Variants in DHX36 observed in about 807,000 individuals in gnomAD.
DHX36 encodes the protein DEAH-box helicase 36.
Under a neutral mutation model 139.0 loss-of-function variants are expected in DHX36, and 50 were observed. The observed-to-expected ratio is 0.36, with a 90% CI of 0.29 to 0.46. DHX36 has a LOEUF of 0.46. Ranked by LOEUF, DHX36 falls within the 20% of genes least tolerant of loss-of-function variation. The probability of loss-of-function intolerance (pLI) is 1.00; values close to 1 mark genes in which losing one functional copy is unlikely to be tolerated. For synonymous variants in DHX36, 425 were observed against 401.9 expected, an observed-to-expected ratio of 1.06 and a Z score of -0.69; for missense variants, 1,024 against 1,211.3, an observed-to-expected ratio of 0.85 and a Z score of 2.29.
chr3:154,296,387 T>C (rs1271214076), intron 12 of DHX36, among the ~76,000 whole-genome samples: 12 of 152,080 alleles, frequency 7.9e-5, no homozygotes, highest in Admixed American at 7.9e-4. Flanking sequence ...GGCAGGAGAA[T>C]GGCGTGAACC....
intron 17 of DHX36, among the ~76,000 whole-genome samples, chr3:154,287,394 C>T (rs1271758542): frequency 1.3e-5 from 2 of 152,078 alleles, no homozygotes; most frequent in Non-Finnish European, 2.9e-5. Flanking sequence ...GTGGCTCATG[C>T]CTATGATCCC....
chr3:154,293,227 C>A (rs572006441), intron 14 of DHX36, among the ~76,000 whole-genome samples: 1 of 152,230 alleles, frequency 6.6e-6, no homozygotes, highest in East Asian at 1.9e-4. Flanking sequence ...ACAAAACAAA[C>A]AAAAACCAAC....
At chr3:154,320,896 AG>A (rs1487457077) in intron 1 of DHX36, among the ~76,000 whole-genome samples, 1 of 152,196 alleles carries the variant, frequency 6.6e-6, no homozygotes, top group Non-Finnish European at 1.5e-5. Flanking sequence ...CTGCTACCAG[AG>A]TGAATTTAAA....
At position 154,277,642 on chromosome 3, in the gene DHX36, G is replaced by T. The variant is rs776597389; in HGVS notation, c.2644C>A (p.His882Asn). 2.5e-6 allele frequency: 4 copies of T among 1,612,358 alleles called. No homozygotes were observed. Among genetic ancestry groups the T allele is most frequent in the African/African-American group, 1.3e-5 (1 of 75,010 alleles). ...AGGTGATAGATAAGCCAGTTGTAGTGAAAGTCTGTTTGCTCCACATTAACA... is the reference window on the plus strand; with the variant it reads ...AGGTGATAGATAAGCCAGTTGTAGTTAAAGTCTGTTTGCTCCACATTAACA... ...KSVNVEQTDF[H>N]YNWLIYHLKM... The change falls in exon 23 of 25, where the codon CAC becomes AAC. Residue 882 changes from histidine to asparagine, a missense_variant. Physicochemically the swap from His to Asn is moderately conservative, Grantham distance 68. This residue lies in a region of DHX36 where 470 missense variants were observed against 616.2 expected (regional missense o/e 0.76). Coordinates refer to ENST00000496811, the MANE Select transcript of DHX36 (RefSeq NM_020865.3).
At chr3:154,288,386 T>C in intron 17 of DHX36, among the ~76,000 whole-genome samples, 1 of 151,918 alleles carries the variant, frequency 6.6e-6, no homozygotes, top group East Asian at 1.9e-4. Context: ...CCATTATAGT[T>C]AAAGTCATGA....
intron 16 of DHX36, 142 bp downstream of exon 16, chr3:154,289,565 AAC>A: frequency 1.6e-6 from 1 of 619,376 alleles, no homozygotes; most frequent in Non-Finnish European, 2.9e-6. Flanking sequence ...AGGAAGTTTA[AAC>A]ACACAATTTA....
At chr3:154,292,856 T>C (rs1653686832) in intron 14 of DHX36, among the ~76,000 whole-genome samples, 162 bp from the exon 15 acceptor site, 1 of 152,088 alleles carries the variant, frequency 6.6e-6, no homozygotes, top group African/African-American at 2.4e-5. Context: ...TTCAGGATTT[T>C]CACTACTCTT....
At chr3:154,298,567 A>G (rs1712133443) in intron 12 of DHX36, among the ~76,000 whole-genome samples, 1 of 152,230 alleles carries the variant, frequency 6.6e-6, no homozygotes, top group African/African-American at 2.4e-5. Context: ...AATAATAAAT[A>G]TATACATTTA....
intron 17 of DHX36, among the ~76,000 whole-genome samples, chr3:154,288,288 T>A (rs1239591062): frequency 1.3e-5 from 2 of 151,928 alleles, no homozygotes; most frequent in East Asian, 1.9e-4. Context: ...ACATTCTGTA[T>A]GGGTTCATGT....
rs191551247 is a variant in DHX36, at chr3:154,320,704, G to A, written c.243+3470C>T. Among the ~76,000 whole-genome samples, 209 of 152,228 alleles carry A rather than the reference G, an allele frequency of 1.4e-3. 1 individual carries two copies. Among genetic ancestry groups the A allele is most frequent in the African/African-American group, 5.0e-3 (206 of 41,546 alleles). ...CATTAACACTGTACTCGTCCCTTCA[G>A]ATAAAATACATCACAAAATCATTTT... On this transcript the variant is annotated intron_variant, in intron 1 of 24. Transcript: ENST00000496811.
intron 4 of DHX36, 72 bp downstream of exon 4, chr3:154,311,564 G>T: frequency 8.2e-7 from 1 of 1,217,738 alleles, no homozygotes. Context: ...ATTTTTTCTT[G>T]ATATAGAGCT....
At chr3:154,294,892 T>C (rs1711979448) in intron 13 of DHX36, among the ~76,000 whole-genome samples, 1 of 152,250 alleles carries the variant, frequency 6.6e-6, no homozygotes, top group African/African-American at 2.4e-5. Flanking sequence ...CCTGTGAATA[T>C]ACTAGCTTTG....
At position 154,324,275 on chromosome 3, in the gene DHX36, C is replaced by T; in HGVS notation, c.142G>A (p.Gly48Ser). The change falls in exon 1 of 25, where the codon GGC becomes AGC. Residue 48 changes from glycine to serine, a missense_variant. By Grantham distance (56) the Gly-to-Ser change is moderately conservative. Around this residue, in one of 4 missense-constraint regions of DHX36, gnomAD observed 293 missense variants for 274.4 expected, o/e 1.07. Transcript: ENST00000496811. ...GGGGGGGGGR[G>S]GRGRHPGHLK... is the part of the protein sequence containing the mutation. ...TGCCCGGGATGCCGGCCCCTGCCGC[C>T]TCGACCACCCCCTCCGCCGCCGCCG... 6.2e-7 allele frequency: 1 copy of T among 1,613,554 alleles called. No homozygotes were observed. Among genetic ancestry groups the T allele is most frequent in the Non-Finnish European group, 8.5e-7 (1 of 1,179,732 alleles).
intron 2 of DHX36, 134 bp downstream of exon 2, chr3:154,315,905 A>G (rs1262098449): frequency 2.8e-6 from 3 of 1,072,140 alleles, no homozygotes; most frequent in African/African-American, 3.2e-5. Flanking sequence ...TCATTTTCTA[A>G]ATCTGTTTAA....
intron 23 of DHX36, 89 bp from the exon 24 acceptor site, chr3:154,276,988 G>T: frequency 8.9e-7 from 1 of 1,118,718 alleles, no homozygotes; most frequent in Non-Finnish European, 1.2e-6. Flanking sequence ...ATTAATTAAT[G>T]AGTATCTTCC....
At chr3:154,313,315 T>C (rs561623206) in intron 3 of DHX36, among the ~76,000 whole-genome samples, 2 of 152,274 alleles carry the variant, frequency 1.3e-5, no homozygotes, top group Non-Finnish European at 2.9e-5. Context: ...CTTTTGACCA[T>C]AACGAAGATG....
At position 154,277,506 on chromosome 3, in the gene DHX36, A is replaced by C; in HGVS notation, c.2688+92T>G. The C allele has an allele frequency of 6.0e-6, 8 of 1,339,170 alleles. No individual in the cohort carries two copies. In the South Asian group the frequency reaches 1.7e-4, roughly 28 times the overall value. 83.0% of individuals were successfully genotyped at this position (1,339,170 alleles called of 1,614,324 possible). Reference sequence around the variant, plus strand: ...CACAGGAATAAGACACAACAAAAAAAAAATTTTGTATATAATTGTTAAAAC... The same window carrying C: ...CACAGGAATAAGACACAACAAAAAACAAATTTTGTATATAATTGTTAAAAC... On this transcript the variant is annotated intron_variant, in intron 23 of 24. Coordinates refer to ENST00000496811, the MANE Select transcript of DHX36 (RefSeq NM_020865.3).
chr3:154,309,180 C>T (rs1044119640), intron 5 of DHX36, among the ~76,000 whole-genome samples: 7 of 151,494 alleles, frequency 4.6e-5, no homozygotes, highest in Non-Finnish European at 7.4e-5. Context: ...AAAATAAGAC[C>T]CTGTCTCAAA....
chr3:154,287,718 G>T (rs1711596510), intron 17 of DHX36, among the ~76,000 whole-genome samples: 1 of 151,746 alleles, frequency 6.6e-6, no homozygotes, highest in South Asian at 2.1e-4. Context: ...AAAAAGGAAA[G>T]TTGAAAACAG....
Sources: gnomAD v4.1 joint callset for allele counts (sites outside exome capture counted in the v4.1 genomes callset) on GRCh38, gnomAD v4.1.1 for gene constraint, gnomAD v4.1.1 regional missense constraint, MANE v1.5 for transcripts, NCBI Gene and HGNC (gene_info 2026-07-23, HGNC 2026-07-21) for gene names.